The following KIAA2012 variants were observed in gnomAD, a reference collection of about 807,000 sequenced individuals.
KIAA2012 encodes the protein KIAA2012, also known as uncharacterized protein KIAA2012.
KIAA2012 carries 125 observed loss-of-function variants against 150.6 expected under a neutral mutation model. That is an observed-to-expected ratio of 0.83 (90% CI 0.72 to 0.96). The LOEUF is 0.96. KIAA2012 is among the 40% of genes least tolerant of loss of function. KIAA2012 has a pLI of 0.00. For missense variants in KIAA2012, 1,219 were observed against 1,354.9 expected (o/e 0.90, Z 1.57); for synonymous variants, 462 against 504.7 (o/e 0.92, Z 1.13).
chr2:202,131,181 C>A (rs1434161784), intron 12 of KIAA2012, among the ~76,000 whole-genome samples: 2 of 152,234 alleles, frequency 1.3e-5, no homozygotes, highest in East Asian at 3.9e-4. Context: ...CTCTTGTTGT[C>A]CAGGCTGAAG....
At chr2:202,125,191 T>TA in intron 11 of KIAA2012, 23 bp from the exon 12 acceptor site, 1 of 1,540,770 alleles carries the variant, frequency 6.5e-7, no homozygotes, top group Non-Finnish European at 8.8e-7. Context: ...CGCTCTCAGG[T>TA]AAAATATCTT....
At chr2:202,183,363 T>C (rs1262795313) in intron 15 of KIAA2012, among the ~76,000 whole-genome samples, 1 of 142,202 alleles carries the variant, frequency 7.0e-6, no homozygotes, top group African/African-American at 2.7e-5. Context: ...GAGGTTGCAG[T>C]GAGCCGGGAT....
At chr2:202,125,181 CG>C (rs1484321022) in intron 11 of KIAA2012, 32 bp from the exon 12 acceptor site, 2 of 1,516,286 alleles carry the variant, frequency 1.3e-6, no homozygotes, top group Non-Finnish European at 1.8e-6. Flanking sequence ...GACTTTTTCC[CG>C]CTCTCAGGTA....
At chr2:202,178,394 C>CT (rs1264334542) in intron 15 of KIAA2012, among the ~76,000 whole-genome samples, 1 of 152,028 alleles carries the variant, frequency 6.6e-6, no homozygotes, top group Non-Finnish European at 1.5e-5. Context: ...CCAATACTTC[C>CT]TAAATATCAG....
At chr2:202,074,655 A>C (rs974499845) in intron 1 of KIAA2012, among the ~76,000 whole-genome samples, 1 of 152,182 alleles carries the variant, frequency 6.6e-6, no homozygotes, top group East Asian at 1.9e-4. Context: ...CCAGCCATAC[A>C]TGACTCTCCT....
At chr2:202,175,563 T>A (rs1691974983) in intron 15 of KIAA2012, among the ~76,000 whole-genome samples, 1 of 152,198 alleles carries the variant, frequency 6.6e-6, no homozygotes, top group Admixed American at 6.5e-5. Flanking sequence ...CAGAGAGCTA[T>A]CTTGCCCCTT....
At chr2:202,084,461 G>T (rs550276907) in intron 2 of KIAA2012, among the ~76,000 whole-genome samples, 4 of 152,284 alleles carry the variant, frequency 2.6e-5, no homozygotes, top group African/African-American at 9.6e-5. Flanking sequence ...CAAGTCCCTC[G>T]TTAAAGGAAG....
At chr2:202,095,442 C>G (rs1165004559) in intron 4 of KIAA2012, among the ~76,000 whole-genome samples, 2 of 152,184 alleles carry the variant, frequency 1.3e-5, no homozygotes, top group Admixed American at 1.3e-4. Context: ...ATACTGGGGT[C>G]TGCATTCCTT....
At chr2:202,201,709 G>A in intron 22 of KIAA2012, 2 of 1,568,864 alleles carry the variant, frequency 1.3e-6, no homozygotes, top group Non-Finnish European at 1.8e-6. Flanking sequence ...CCGACATGGT[G>A]GGGACTGTGG....
intron 12 of KIAA2012, among the ~76,000 whole-genome samples, chr2:202,129,027 G>A (rs1273501861): frequency 6.6e-6 from 1 of 152,024 alleles, no homozygotes; most frequent in Non-Finnish European, 1.5e-5. Context: ...TCTCCTGCCA[G>A]CGGCAGGGTC....
At chr2:202,132,766 A>G (rs1275541722) in intron 12 of KIAA2012, among the ~76,000 whole-genome samples, 33 of 99,430 alleles carry the variant, frequency 3.3e-4, no homozygotes, top group South Asian at 7.5e-4. Context: ...GTATATATAT[A>G]CATATATACA....
At chr2:202,100,172 G>A in intron 6 of KIAA2012, 135 bp from the exon 7 acceptor site, 1 of 948,030 alleles carries the variant, frequency 1.1e-6, no homozygotes, top group Non-Finnish European at 1.5e-6. Context: ...CTCCCCCAAA[G>A]CTAGGGCTGT....
rs531152799 is a variant in KIAA2012, at chr2:202,084,838, A to T, written c.370-5932A>T. ...ACTGAAAACTTGATTTTATTTTTTT[A>T]AAAAAAAGAGAGAGAAGAAAGAACT... On this transcript the variant is annotated intron_variant, in intron 2 of 23. Coordinates refer to ENST00000498697, the MANE Select transcript of KIAA2012 (RefSeq NM_001277372.4). Among the ~76,000 whole-genome samples, 234 of 152,066 alleles carry T rather than the reference A, an allele frequency of 1.5e-3. 1 individual carries two copies. Among genetic ancestry groups the T allele is most frequent in the African/African-American group, 5.2e-3 (217 of 41,470 alleles).
chr2:202,073,981 G>A (rs1452366039), intron 1 of KIAA2012, among the ~76,000 whole-genome samples: 1 of 151,838 alleles, frequency 6.6e-6, no homozygotes, highest in Non-Finnish European at 1.5e-5. Context: ...GAATTTGGAT[G>A]GTTTGGTGCA....
At chr2:202,132,803 T>TATATA (rs200904433) in intron 12 of KIAA2012, among the ~76,000 whole-genome samples, 38 of 68,758 alleles carry the variant, frequency 5.5e-4, no homozygotes, top group African/African-American at 1.9e-3. Context: ...TATATATATA[T>TATATA]TTTTTTTTTC....
chr2:202,092,810 T>C (rs1189230270), intron 3 of KIAA2012, among the ~76,000 whole-genome samples: 1 of 152,068 alleles, frequency 6.6e-6, no homozygotes, highest in Non-Finnish European at 1.5e-5. Context: ...GTGGAGGAAG[T>C]ACACATGTAG....
At chr2:202,180,267 T>A (rs907867262) in intron 15 of KIAA2012, among the ~76,000 whole-genome samples, 38 of 73,588 alleles carry the variant, frequency 5.2e-4, no homozygotes, top group African/African-American at 2.0e-3. Flanking sequence ...GTGAAACTCC[T>A]CCAAAAAAAA....
chr2:202,203,831 A>G (rs1369498183), intron 23 of KIAA2012, among the ~76,000 whole-genome samples: 1 of 149,480 alleles, frequency 6.7e-6, no homozygotes, highest in Non-Finnish European at 1.5e-5. Flanking sequence ...GTGCAGTGGC[A>G]CGATCTCGGC....
chr2:202,093,830 A>G (rs1253543452), intron 4 of KIAA2012, among the ~76,000 whole-genome samples: 1 of 152,234 alleles, frequency 6.6e-6, no homozygotes, highest in Non-Finnish European at 1.5e-5. Context: ...TGACACTGTC[A>G]ATCCCAATAT....
Sources: gnomAD v4.1 joint callset for allele counts (sites outside exome capture counted in the v4.1 genomes callset) on GRCh38, gnomAD v4.1.1 for gene constraint, MANE v1.5 for transcripts, NCBI Gene and HGNC (gene_info 2026-07-23, HGNC 2026-07-21) for gene names.